The following MEI4 variants were observed in gnomAD, a reference collection of about 807,000 sequenced individuals.
MEI4 encodes the protein meiosis-specific protein MEI4.
MEI4 carries 27 observed loss-of-function variants against 31.4 expected under a neutral mutation model. The ratio of observed to expected loss-of-function variants is 0.86; its 90% CI spans 0.63 to 1.19. The LOEUF is 1.19. Ranked by LOEUF, MEI4 falls within the 50% of genes most tolerant of loss-of-function variation. The pLI is 0.00. For missense variants in MEI4, 329 were observed against 398.9 expected, an observed-to-expected ratio of 0.82 and a Z score of 1.49; for synonymous variants, 122 against 145.4, an observed-to-expected ratio of 0.84 and a Z score of 1.16.
intron 1 of MEI4, among the ~76,000 whole-genome samples, chr6:77,665,409 C>T (rs576118948): frequency 2.6e-5 from 4 of 152,040 alleles, no homozygotes; most frequent in Non-Finnish European, 4.4e-5. Context: ...GGGGTACTTG[C>T]CCCTGCCCCA....
chr6:77,669,607 CAG>C (rs150037996), intron 1 of MEI4, among the ~76,000 whole-genome samples: 24,473 of 152,016 alleles, frequency 0.16, 2,231 homozygotes, highest in East Asian at 0.24. Flanking sequence ...AGAGTAAAAG[CAG>C]AGAGAGGGAA....
intron 3 of MEI4, among the ~76,000 whole-genome samples, chr6:77,804,013 A>T (rs377536324): frequency 2.3e-4 from 35 of 152,294 alleles, no homozygotes; most frequent in South Asian, 2.1e-3. Flanking sequence ...AAACAGGGAC[A>T]TTTATGTCTG....
At position 77,761,120 on chromosome 6, in the gene MEI4, T is replaced by C. The variant is rs1314993981; in HGVS notation, c.233-10T>C. 2.4e-6 allele frequency: 3 copies of C among 1,231,572 alleles called. No homozygotes were observed. The highest frequency in any genetic ancestry group is 3.2e-5 in the East Asian group (1 of 31,718). The allele number at this position is 1,231,572 out of a possible 1,614,324, so 76.3% of individuals were successfully genotyped here. On this transcript the variant is annotated splice_polypyrimidine_tract_variant and intron_variant, in intron 2 of 4. Coordinates refer to ENST00000684080, the MANE Select transcript of MEI4 (RefSeq NM_001322247.2). ...CATGAAGATAATCCTTCTATTCCTT[T>C]ATTTTTCAGGATACGTTTCCTCCCA...
At chr6:77,712,585 A>T (rs1335005290) in intron 2 of MEI4, among the ~76,000 whole-genome samples, 1 of 152,238 alleles carries the variant, frequency 6.6e-6, no homozygotes, top group Non-Finnish European at 1.5e-5. Flanking sequence ...AGACTTATAG[A>T]TACTAATGAA....
intron 4 of MEI4, among the ~76,000 whole-genome samples, chr6:77,920,313 G>T (rs541541155): frequency 6.6e-6 from 1 of 152,178 alleles, no homozygotes; most frequent in East Asian, 1.9e-4. Context: ...GATCAAGTGG[G>T]CTTCATCCGT....
chr6:77,742,924 T>C (rs1767459445), intron 2 of MEI4, among the ~76,000 whole-genome samples: 2 of 152,122 alleles, frequency 1.3e-5, no homozygotes, highest in Admixed American at 1.3e-4. Flanking sequence ...AAAGATTAGA[T>C]AGTTGTAGAT....
intron 4 of MEI4, among the ~76,000 whole-genome samples, chr6:77,852,120 C>G (rs995108651): frequency 1.3e-5 from 2 of 152,174 alleles, no homozygotes; most frequent in Admixed American, 6.5e-5. Context: ...AGCCTGGTAG[C>G]TTTGCTCTAA....
chr6:77,811,995 TG>T (rs2127705175), intron 3 of MEI4, among the ~76,000 whole-genome samples: 1 of 152,254 alleles, frequency 6.6e-6, no homozygotes, highest in Non-Finnish European at 1.5e-5. Flanking sequence ...GTACATAAAG[TG>T]ATGTATTTTA....
rs1353438058 is a variant in MEI4 at position 77,743,285 on chromosome 6, C to G, written c.233-17845C>G. On this transcript the variant is annotated intron_variant, in intron 2 of 4. Coordinates refer to ENST00000684080, the MANE Select transcript of MEI4 (RefSeq NM_001322247.2). ...ATGTTCTTCCATTTGTTTGTATCCT[C>G]TTTTATTTCCTTGAGCAGTGGTTTG... Among the ~76,000 whole-genome samples, 5 of 152,174 alleles carry G rather than the reference C, an allele frequency of 3.3e-5. No individual in the cohort carries two copies. In the South Asian group the frequency reaches 1.0e-3, roughly 32 times the overall value.
At position 77,761,390 on chromosome 6, in the gene MEI4, G is replaced by T. The variant is rs1768041032; in HGVS notation, c.493G>T (p.Glu165Ter). ...QYLLELKNLT[E>*]SGNLKRDLTH... ...TCTACTTGAATTAAAGAACTTGACAGAATCAGGTAATCTTAAAAGAGACTT... is the reference window on the plus strand; with the variant it reads ...TCTACTTGAATTAAAGAACTTGACATAATCAGGTAATCTTAAAAGAGACTT... The change falls in exon 3 of 5, where the codon GAA becomes TAA. Residue 165 changes from glutamate to a stop codon, truncating the protein, a stop_gained. Transcript: ENST00000684080. LOFTEE classifies it high-confidence loss of function. 1 of 1,232,082 alleles carries T rather than the reference G, an allele frequency of 8.1e-7. No individual in the cohort carries two copies. Among genetic ancestry groups the T allele is most frequent in the Non-Finnish European group, 1.0e-6 (1 of 987,978 alleles). 76.3% of individuals were successfully genotyped at this position (1,232,082 alleles called of 1,614,324 possible).
intron 3 of MEI4, among the ~76,000 whole-genome samples, chr6:77,779,082 A>G (rs1022145215): frequency 1.3e-5 from 2 of 152,178 alleles, no homozygotes; most frequent in South Asian, 2.1e-4. Flanking sequence ...TTTTAAGGCT[A>G]TGGGAAAACA....
intron 3 of MEI4, among the ~76,000 whole-genome samples, chr6:77,775,114 GACCTCCT>G (rs1768406440): frequency 6.6e-6 from 1 of 151,998 alleles, no homozygotes; most frequent in African/African-American, 2.4e-5. Context: ...GGCATTTAGG[GACCTCCT>G]GGACAATTCA....
chr6:77,798,083 CAAT>C (rs1381174653), intron 3 of MEI4, among the ~76,000 whole-genome samples: 2 of 151,924 alleles, frequency 1.3e-5, no homozygotes, highest in Admixed American at 1.3e-4. Context: ...ATTTTACTGA[CAAT>C]AAGTCAGTAC....
chr6:77,842,372 A>G (rs1424242016), intron 4 of MEI4, among the ~76,000 whole-genome samples: 2 of 152,174 alleles, frequency 1.3e-5, no homozygotes, highest in African/African-American at 4.8e-5. Context: ...AAAGTATGAC[A>G]TGATAATTTA....
Position 77,736,360 on chromosome 6 carries a change from G to C in MEI4, c.233-24770G>C, listed in dbSNP as rs557093180. Among the ~76,000 whole-genome samples the C allele has an allele frequency of 1.1e-4, 16 of 152,168 alleles. 2 individuals carry two copies. The South Asian group carries it at 3.3e-3, about 32-fold the overall frequency. ...TGGTGCGCCGTTTTTAAGCCCGTTG[G>C]AAAAGCGCAGTATTTGGGTGGGAGT... On this transcript the variant is annotated intron_variant, in intron 2 of 4. Coordinates refer to ENST00000684080, the MANE Select transcript of MEI4 (RefSeq NM_001322247.2).
At position 77,918,151 on chromosome 6, in the gene MEI4, T is replaced by C. The variant is rs374280767; in HGVS notation, c.901-4938T>C. ...TATCTCTGTTTTGGTACCAGTACCA[T>C]GCTGTTTTGGTTACTGTAGCCTTGT... On this transcript the variant is annotated intron_variant, in intron 4 of 4. Coordinates refer to ENST00000684080, the MANE Select transcript of MEI4 (RefSeq NM_001322247.2). Among the ~76,000 whole-genome samples, 3 of 151,086 alleles carry C rather than the reference T, an allele frequency of 2.0e-5. No homozygotes were observed. The East Asian group carries it at 5.9e-4, about 30-fold the overall frequency.
chr6:77,872,151 C>A (rs910236507), intron 4 of MEI4, among the ~76,000 whole-genome samples: 1 of 152,096 alleles, frequency 6.6e-6, no homozygotes, highest in Non-Finnish European at 1.5e-5. Flanking sequence ...CCGTTTAGAG[C>A]CTTTTAATAG....
chr6:77,887,864 G>A (rs2127731004), intron 4 of MEI4, among the ~76,000 whole-genome samples: 1 of 152,286 alleles, frequency 6.6e-6, no homozygotes, highest in Non-Finnish European at 1.5e-5. Flanking sequence ...GGAAGGGGAT[G>A]TTGGAATTGC....
chr6:77,738,132 A>G (rs1025349330), intron 2 of MEI4, among the ~76,000 whole-genome samples: 2 of 152,194 alleles, frequency 1.3e-5, no homozygotes, highest in Non-Finnish European at 2.9e-5. Context: ...TGGAGAGTTA[A>G]AGGATGGTTT....
Sources: gnomAD v4.1 joint callset for allele counts (sites outside exome capture counted in the v4.1 genomes callset) on GRCh38, gnomAD v4.1.1 for gene constraint, MANE v1.5 for transcripts, NCBI Gene and HGNC (gene_info 2026-07-23, HGNC 2026-07-21) for gene names.